The following MYBL1 variants were observed in gnomAD, a reference collection of about 807,000 sequenced individuals.
MYBL1 encodes the protein MYB proto-oncogene like 1.
In MYBL1, 17 loss-of-function variants were observed where a neutral mutation model predicts 96.3. The ratio of observed to expected loss-of-function variants is 0.18; its 90% CI spans 0.12 to 0.26. The LOEUF (loss-of-function observed/expected upper bound fraction) is 0.26. Ranked by LOEUF, MYBL1 falls within the 10% of genes least tolerant of loss-of-function variation. The pLI is 1.00. For synonymous variants in MYBL1, 282 were observed against 292.7 expected, an observed-to-expected ratio of 0.96 and a Z score of 0.37; for missense variants, 701 against 882.9, an observed-to-expected ratio of 0.79 and a Z score of 2.61.
At chr8:66,573,035 T>C (rs1313381223) in intron 11 of MYBL1, among the ~76,000 whole-genome samples, 1 of 151,982 alleles carries the variant, frequency 6.6e-6, no homozygotes, top group African/African-American at 2.4e-5. Flanking sequence ...GCCAACATAG[T>C]GAAACCCCAT....
chr8:66,572,919 A>T (rs539670103), intron 11 of MYBL1, among the ~76,000 whole-genome samples: 71 of 150,752 alleles, frequency 4.7e-4, no homozygotes, highest in Admixed American at 1.9e-3. Context: ...GTTATGATTT[A>T]AAAAAAAAAT....
intron 8 of MYBL1, among the ~76,000 whole-genome samples, chr8:66,590,658 G>A (rs1057055652): frequency 8.6e-5 from 13 of 150,860 alleles, no homozygotes; most frequent in African/African-American, 3.2e-4. Flanking sequence ...ACTCCCGCTT[G>A]AGTGAGAGAG....
intron 8 of MYBL1, among the ~76,000 whole-genome samples, chr8:66,582,030 G>A (rs577860534): frequency 1.3e-5 from 2 of 152,188 alleles, no homozygotes; most frequent in African/African-American, 4.8e-5. Context: ...TTCACTAGTA[G>A]AGCAGGTACA....
At chr8:66,587,434 G>T (rs1427791103) in intron 8 of MYBL1, among the ~76,000 whole-genome samples, 1 of 151,862 alleles carries the variant, frequency 6.6e-6, no homozygotes, top group Non-Finnish European at 1.5e-5. Context: ...GGTTCCCACT[G>T]CAGAGTAAAA....
At chr8:66,604,459 A>G (rs1399191605) in intron 1 of MYBL1, among the ~76,000 whole-genome samples, 2 of 151,862 alleles carry the variant, frequency 1.3e-5, no homozygotes, top group Non-Finnish European at 2.9e-5. Flanking sequence ...GTGAGCCAAG[A>G]CTGCACCACT....
At chr8:66,578,901 T>TA (rs754963498) in intron 9 of MYBL1, among the ~76,000 whole-genome samples, 1 of 152,064 alleles carries the variant, frequency 6.6e-6, no homozygotes, top group Non-Finnish European at 1.5e-5. Context: ...TATGCAGCCA[T>TA]AAAAAAGGAT....
rs751389827 is a variant in MYBL1, at chr8:66,592,459, C to T, written c.848G>A (p.Arg283Lys). The change falls in exon 8 of 16, where the codon AGA becomes AAA. Residue 283 changes from arginine (R) to lysine (K), a missense_variant. This residue lies in a region of MYBL1 where 396 missense variants were observed against 407.4 expected (regional missense o/e 0.97). Transcript: ENST00000522677. ...MLLMSAENEVRRKRIPSQPGS... is the reference protein window; with the variant it reads ...MLLMSAENEVKRKRIPSQPGS... The stretch of plus-strand genomic sequence containing the variant: ...TCTTACTGATGGAATTCGCTTTCTT[C>T]TAACTTCATTCTCAGCTGACATAAG... 5 of 1,597,734 alleles carry T rather than the reference C, an allele frequency of 3.1e-6. No individual in the cohort carries two copies. Among genetic ancestry groups the T allele is most frequent in the Non-Finnish European group, 4.3e-6 (5 of 1,175,322 alleles).
intron 1 of MYBL1, among the ~76,000 whole-genome samples, chr8:66,609,603 G>GT (rs1810451278): frequency 6.6e-6 from 1 of 151,982 alleles, no homozygotes; most frequent in Non-Finnish European, 1.5e-5. Flanking sequence ...CAGTATTATA[G>GT]TAAGACAAAC....
At chr8:66,599,608 C>T (rs1282123326) in intron 3 of MYBL1, among the ~76,000 whole-genome samples, 3 of 152,148 alleles carry the variant, frequency 2.0e-5, no homozygotes, top group Non-Finnish European at 2.9e-5. Context: ...CGAGACCAGC[C>T]TGACCAACAT....
intron 7 of MYBL1, 41 bp from the exon 8 acceptor site, chr8:66,592,585 T>C (rs772733565): frequency 8.6e-7 from 1 of 1,157,204 alleles, no homozygotes; most frequent in East Asian, 2.4e-5. Flanking sequence ...GATGCTTATA[T>C]AATTGCTTTA....
chr8:66,576,266 G>T lies in MYBL1; in HGVS notation c.1211C>A (p.Ala404Asp), dbSNP rs1487739836. The change falls in exon 10 of 16, where the codon GCC (alanine) becomes GAC (aspartate). Residue 404 changes from alanine (A) to aspartate (D), a missense_variant. Physicochemically the swap from Ala to Asp is moderately radical, Grantham distance 126. Transcript: ENST00000522677. ...ACTGACGTTAAATTGGCATTCCATG[G>T]CTCCTTCATTGTGCTGAATTCTCAT... ...KLMRIQHNEG[A>D]MECQFNVSLV... 3 of 1,613,810 alleles carry T rather than the reference G, an allele frequency of 1.9e-6. No individual in the cohort carries two copies. The highest frequency in any genetic ancestry group is 1.7e-5 in the Admixed American group (1 of 59,988).
At chr8:66,578,866 G>A (rs112234652) in intron 9 of MYBL1, among the ~76,000 whole-genome samples, 1 of 152,160 alleles carries the variant, frequency 6.6e-6, no homozygotes, top group Non-Finnish European at 1.5e-5. Flanking sequence ...TTAAGAAAAT[G>A]TGGCACATAT....
At position 66,613,214 on chromosome 8, in the gene MYBL1, T is replaced by TCTGCAGGGCTCGCAGTCTC; in HGVS notation, c.-377_-376insGAGACTGCGAGCCCTGCAG. Reference sequence around the variant, plus strand: ...TGCCCTCTCCCCCGCAGCTAGCAGTTCTGCAGGGCTCGCAGTCTCCTGCAG... The same window carrying TCTGCAGGGCTCGCAGTCTC: ...TGCCCTCTCCCCCGCAGCTAGCAGTTCTGCAGGGCTCGCAGTCTCCTGCAGGGCTCGCAGTCTCCTGCAG... On this transcript the variant is annotated 5_prime_UTR_variant, in exon 1 of 16. Coordinates refer to ENST00000522677, the MANE Select transcript of MYBL1 (RefSeq NM_001080416.4). 1 of 399,920 alleles carries TCTGCAGGGCTCGCAGTCTC rather than the reference T, an allele frequency of 2.5e-6. No homozygotes were observed. The highest frequency in any genetic ancestry group is 4.4e-5 in the Admixed American group (1 of 22,700). The allele number at this position is 399,920 out of a possible 1,614,324, so 24.8% of individuals were successfully genotyped here. A position where few individuals can be genotyped will look rare whatever the true frequency, so the allele number is the denominator to read the frequency against.
At chr8:66,566,584 T>C in intron 14 of MYBL1, 100 bp downstream of exon 14, 2 of 731,724 alleles carry the variant, frequency 2.7e-6, no homozygotes, top group Non-Finnish European at 2.1e-6. Flanking sequence ...AAATTCTCCA[T>C]GAATTTCTAA....
intron 9 of MYBL1, among the ~76,000 whole-genome samples, chr8:66,578,550 A>G (rs1809065069): frequency 6.6e-6 from 1 of 151,092 alleles, no homozygotes. Flanking sequence ...CACACCAGTT[A>G]GAATGGCAAT....
At chr8:66,593,216 A>T in intron 6 of MYBL1, 22 bp from the exon 7 acceptor site, 1 of 1,405,738 alleles carries the variant, frequency 7.1e-7, no homozygotes, top group Non-Finnish European at 9.9e-7. Context: ...TTAATGCATT[A>T]TTATCATACA....
intron 8 of MYBL1, among the ~76,000 whole-genome samples, chr8:66,583,553 C>T (rs968896330): frequency 1.2e-4 from 18 of 150,380 alleles, no homozygotes; most frequent in African/African-American, 4.1e-4. Flanking sequence ...AAGAAATAAA[C>T]GAAATTGACA....
intron 9 of MYBL1, 101 bp from the exon 10 acceptor site, chr8:66,576,476 T>C: frequency 7.4e-7 from 1 of 1,342,570 alleles, no homozygotes; most frequent in South Asian, 1.5e-5. Context: ...TAACAACTCA[T>C]TTTATCAGTA....
At chr8:66,598,806 G>C (rs936935667) in intron 4 of MYBL1, among the ~76,000 whole-genome samples, 5 of 152,120 alleles carry the variant, frequency 3.3e-5, no homozygotes, top group Non-Finnish European at 7.4e-5. Context: ...CTTACAGCAA[G>C]TATTTTTCCT....
Sources: gnomAD v4.1 joint callset for allele counts (sites outside exome capture counted in the v4.1 genomes callset) on GRCh38, gnomAD v4.1.1 for gene constraint, gnomAD v4.1.1 regional missense constraint, MANE v1.5 for transcripts, NCBI Gene and HGNC (gene_info 2026-07-23, HGNC 2026-07-21) for gene names.